Variants in PKHD1L1 observed in about 807,000 individuals in gnomAD.
PKHD1L1 encodes the protein PKHD1 like 1.
Under a neutral mutation model 462.9 loss-of-function variants are expected in PKHD1L1, and 434 were observed. The observed-to-expected ratio is 0.94, with a 90% CI of 0.87 to 1.02. The LOEUF is 1.02. Among genes scored for constraint, PKHD1L1 ranks in the 50% least tolerant of loss-of-function variants. The probability of loss-of-function intolerance (pLI) is 0.00; values close to 1 mark genes in which losing one functional copy is unlikely to be tolerated. For missense variants in PKHD1L1, 5,202 were observed against 5,096.1 expected, an observed-to-expected ratio of 1.02 and a Z score of -0.63; for synonymous variants, 1,781 against 1,750.0, an observed-to-expected ratio of 1.02 and a Z score of -0.44.
rs568075304 is a variant in PKHD1L1, at chr8:109,530,289, T to C, written c.*199T>C. ...AATTTGTTTTGATTCTTTATATTTATATGTTTTTATTTCATTTCAATAAAC... is the reference window on the plus strand; with the variant it reads ...AATTTGTTTTGATTCTTTATATTTACATGTTTTTATTTCATTTCAATAAAC... On this transcript the variant is annotated 3_prime_UTR_variant, in exon 78 of 78. Coordinates refer to ENST00000378402, the MANE Select transcript of PKHD1L1 (RefSeq NM_177531.6). 2 of 303,446 alleles carry C rather than the reference T, an allele frequency of 6.6e-6. No individual in the cohort carries two copies. The highest frequency in any genetic ancestry group is 1.2e-5 in the Non-Finnish European group (2 of 164,326). The allele number at this position is 303,446 out of a possible 1,614,324, so 18.8% of individuals were successfully genotyped here. A position where few individuals can be genotyped will look rare whatever the true frequency, so the allele number is the denominator to read the frequency against.
chr8:109,441,164 T>C (rs1048117373), intron 33 of PKHD1L1, 111 bp from the exon 34 acceptor site: 2 of 757,646 alleles, frequency 2.6e-6, no homozygotes, highest in Admixed American at 7.0e-5. Flanking sequence ...AAGGCAGAGT[T>C]TTTTTTAGGG....
At chr8:109,514,503 T>G (rs979460131) in intron 71 of PKHD1L1, among the ~76,000 whole-genome samples, 1 of 152,118 alleles carries the variant, frequency 6.6e-6, no homozygotes. Flanking sequence ...ATATTTTACC[T>G]CTAAAAATGA....
chr8:109,368,069 A>T (rs1811318652), intron 2 of PKHD1L1, among the ~76,000 whole-genome samples: 1 of 152,168 alleles, frequency 6.6e-6, no homozygotes, highest in South Asian at 2.1e-4. Flanking sequence ...AATTTTGATA[A>T]GTTCTGGAGT....
chr8:109,442,829 A>G, intron 35 of PKHD1L1, 117 bp from the exon 36 acceptor site: 2 of 968,220 alleles, frequency 2.1e-6, no homozygotes, highest in South Asian at 3.5e-5. Flanking sequence ...ACACATGAAA[A>G]ATAAGAAACT....
At chr8:109,454,604 C>T (rs1323523163) in intron 44 of PKHD1L1, 119 bp from the exon 45 acceptor site, 1 of 1,386,774 alleles carries the variant, frequency 7.2e-7, no homozygotes, top group Non-Finnish European at 9.8e-7. Context: ...AAGATATGAA[C>T]AACTGAGCAA....
chr8:109,419,057 AC>A, intron 21 of PKHD1L1, 39 bp from the exon 22 acceptor site: 1 of 1,512,840 alleles, frequency 6.6e-7, no homozygotes, highest in Non-Finnish European at 9.0e-7. Context: ...CTTAAACATT[AC>A]CACTGATCTA....
chr8:109,467,623 T>G (rs1817517944), intron 50 of PKHD1L1, among the ~76,000 whole-genome samples: 1 of 152,114 alleles, frequency 6.6e-6, no homozygotes, highest in Non-Finnish European at 1.5e-5. Flanking sequence ...CAGATCTGTA[T>G]CTCTATCTCT....
chr8:109,376,198 T>C (rs1340150746), intron 2 of PKHD1L1, among the ~76,000 whole-genome samples: 1 of 152,252 alleles, frequency 6.6e-6, no homozygotes, highest in East Asian at 1.9e-4. Flanking sequence ...GCTTGGGCAT[T>C]GGTGGGTGCC....
chr8:109,525,754 T>A (rs1820785214), intron 76 of PKHD1L1, among the ~76,000 whole-genome samples: 1 of 152,222 alleles, frequency 6.6e-6, no homozygotes, highest in African/African-American at 2.4e-5. Context: ...AAATTCAGAT[T>A]TTTTAATGCA....
intron 2 of PKHD1L1, among the ~76,000 whole-genome samples, chr8:109,379,478 GC>G (rs1285344707): frequency 2.0e-5 from 3 of 152,222 alleles, no homozygotes; most frequent in Admixed American, 6.5e-5. Context: ...TGATGGAACT[GC>G]CTGTTAAAGC....
intron 62 of PKHD1L1, 35 bp downstream of exon 62, chr8:109,492,029 T>C (rs1295302397): frequency 1.5e-6 from 2 of 1,376,738 alleles, no homozygotes; most frequent in Admixed American, 5.1e-5. Context: ...TACTAATTTA[T>C]AATTATATCA....
At chr8:109,459,362 TA>T (rs1270654516) in intron 46 of PKHD1L1, among the ~76,000 whole-genome samples, 2 of 152,170 alleles carry the variant, frequency 1.3e-5, no homozygotes, top group Non-Finnish European at 2.9e-5. Context: ...AATCCAGTTC[TA>T]GGAACGAATG....
At chr8:109,404,418 T>TGAAACATTTAATATTTG in intron 14 of PKHD1L1, 136 bp from the exon 15 acceptor site, 1 of 495,976 alleles carries the variant, frequency 2.0e-6, no homozygotes, top group Non-Finnish European at 3.2e-6. Flanking sequence ...TTTGAATATT[T>TGAAACATTTAATATTTG]AAAATATGAG....
intron 37 of PKHD1L1, among the ~76,000 whole-genome samples, chr8:109,444,331 A>G (rs1586526663): frequency 6.6e-6 from 1 of 152,166 alleles, no homozygotes; most frequent in Non-Finnish European, 1.5e-5. Context: ...AAGTTGTACC[A>G]TGTATCAGTA....
At chr8:109,511,153 AC>A (rs1382907125) in intron 71 of PKHD1L1, among the ~76,000 whole-genome samples, 1 of 152,044 alleles carries the variant, frequency 6.6e-6, no homozygotes, top group African/African-American at 2.4e-5. Context: ...TGCCATATGC[AC>A]TTGATTCTGG....
In PKHD1L1 at chr8:109,533,396, C is replaced by T. The variant is rs1056281440; in HGVS notation, c.*3306C>T. On this transcript the variant is annotated 3_prime_UTR_variant, in exon 78 of 78. Coordinates refer to ENST00000378402, the MANE Select transcript of PKHD1L1 (RefSeq NM_177531.6). ...TAATGTGGCCTATATCATGTCAATC[C>T]CTGGCCCAGTAAACCATTAGGCTTC... 3.9e-5 allele frequency among the ~76,000 whole-genome samples: 6 copies of T among 152,142 alleles called. No individual in the cohort carries two copies. The highest frequency in any genetic ancestry group is 1.4e-4 in the African/African-American group (6 of 41,416).
intron 50 of PKHD1L1, among the ~76,000 whole-genome samples, chr8:109,473,687 T>G (rs1817840646): frequency 6.6e-6 from 1 of 152,098 alleles, no homozygotes. Context: ...CTCAATAGCT[T>G]AAGCCTACAA....
At position 109,368,475 on chromosome 8, in the gene PKHD1L1, T is replaced by A. The variant is rs548758503; in HGVS notation, c.163+3839T>A. Among the ~76,000 whole-genome samples the A allele has an allele frequency of 2.0e-5, 3 of 152,314 alleles. No homozygotes were observed. In the South Asian group the frequency reaches 6.2e-4, roughly 32 times the overall value. Reference sequence around the variant, plus strand: ...ACTGAAAAGGATGATACACCTAAGGTACCCATTATAAATAGTATAAATTCT... The same window carrying A: ...ACTGAAAAGGATGATACACCTAAGGAACCCATTATAAATAGTATAAATTCT... On this transcript the variant is annotated intron_variant, in intron 2 of 77. Coordinates refer to ENST00000378402, the MANE Select transcript of PKHD1L1 (RefSeq NM_177531.6).
At chr8:109,407,972 T>C in intron 17 of PKHD1L1, 77 bp from the exon 18 acceptor site, 1 of 956,320 alleles carries the variant, frequency 1.0e-6, no homozygotes, top group Non-Finnish European at 1.4e-6. Flanking sequence ...CTATTAAATA[T>C]ATATAAAATA....
Sources: gnomAD v4.1 joint callset for allele counts (sites outside exome capture counted in the v4.1 genomes callset) on GRCh38, gnomAD v4.1.1 for gene constraint, MANE v1.5 for transcripts, NCBI Gene and HGNC (gene_info 2026-07-23, HGNC 2026-07-21) for gene names.